Variants in ATP4A observed in about 807,000 individuals in gnomAD.
ATP4A encodes potassium-transporting ATPase alpha chain 1.
Under a neutral mutation model 112.1 loss-of-function variants are expected in ATP4A, and 73 were observed. The ratio of observed to expected loss-of-function variants is 0.65; its 90% CI spans 0.54 to 0.79. The LOEUF is 0.79. ATP4A is among the 30% of genes least tolerant of loss of function. The pLI, the probability that ATP4A is intolerant of heterozygous loss-of-function variation, is 0.00. For synonymous variants in ATP4A, 588 were observed against 588.9 expected (o/e 1.00, Z 0.02); for missense variants, 1,081 against 1,425.9 (o/e 0.76, Z 3.90).
chr19:35,563,424 C>T lies in ATP4A; in HGVS notation c.116G>A (p.Arg39Lys), dbSNP rs1325645902. The change falls in exon 2 of 22, where the codon AGG (arginine) becomes AAG (lysine). Residue 39 changes from arginine to lysine, a missense_variant. Transcript: ENST00000262623. ...CTTCATGTTCTCCAGCTTCTCCTTC[C>T]TCTTGCCACCCCCGCCACCCGCCTT... Reference protein sequence around the residue: ...KKKAGGGGGKRKEKLENMKKE... With the variant: ...KKKAGGGGGKKKEKLENMKKE... The T allele has an allele frequency of 1.2e-6, 2 of 1,613,990 alleles. No individual in the cohort carries two copies. The highest frequency in any genetic ancestry group is 1.3e-5 in the African/African-American group (1 of 74,986).
At chr19:35,552,951 G>A (rs1360090131) in intron 18 of ATP4A, 86 bp downstream of exon 18, 35 of 1,476,668 alleles carry the variant, frequency 2.4e-5, no homozygotes, top group Admixed American at 6.1e-5. Context: ...TCAGTCACAC[G>A]TGGAGGAACA....
At chr19:35,561,246 C>T (rs183771732) in intron 4 of ATP4A, among the ~76,000 whole-genome samples, 17 of 152,060 alleles carry the variant, frequency 1.1e-4, no homozygotes, top group Non-Finnish European at 2.1e-4. Context: ...CTTGGTCTGA[C>T]GTGTTCCCTT....
In ATP4A at chr19:35,561,243, TGACGTGTTCCCTTCTCC is replaced by T. The variant is rs558783806; in HGVS notation, c.421-328_421-312del. ...CCCCAAATCACTGTGTGCCTTGGTC[TGACGTGTTCCCTTCTCC>T]TGTGTCCCCAAGCCTTGCATTCCCC... On this transcript the variant is annotated intron_variant, in intron 4 of 21. Transcript: ENST00000262623. 1.7e-4 allele frequency among the ~76,000 whole-genome samples: 26 copies of T among 152,270 alleles called. No homozygotes were observed. In the South Asian group the frequency reaches 5.4e-3, roughly 32 times the overall value.
chr19:35,555,599 G>A lies in ATP4A; in HGVS notation c.2007-9C>T, dbSNP rs1418910754. The A allele has an allele frequency of 3.8e-6, 6 of 1,576,718 alleles. No homozygotes were observed. The South Asian group carries it at 6.9e-5, about 18-fold the overall frequency. Reference sequence around the variant, plus strand: ...CACAGGCACGGGCATCCCTGGGGAGGAGATGGGAGGACCTCGCTGGGACCT... The same window carrying A: ...CACAGGCACGGGCATCCCTGGGGAGAAGATGGGAGGACCTCGCTGGGACCT... On this transcript the variant is annotated splice_polypyrimidine_tract_variant and intron_variant, in intron 13 of 21. Coordinates refer to ENST00000262623, the MANE Select transcript of ATP4A (RefSeq NM_000704.3). The surrounding 1 kb of genome is among the most constrained non-coding windows in gnomAD (Gnocchi z 6.6).
At position 35,560,465 on chromosome 19, in the gene ATP4A, G is replaced by A. The variant is rs766365646; in HGVS notation, c.685C>T (p.Leu229=). The change falls in exon 6 of 22, where the codon CTG becomes TTG. Residue 229 remains leucine, a synonymous_variant. Coordinates refer to ENST00000262623, the MANE Select transcript of ATP4A (RefSeq NM_000704.3). This position sits in a 1 kb window ranked among gnomAD's most constrained non-coding sequence, Gnocchi z 5.1. ...GTCTGTGGCTCAGACTCCCCTGTCAGCGAGGAGTTGTCCACCTTGCAGCCC... is the reference window on the plus strand; with the variant it reads ...GTCTGTGGCTCAGACTCCCCTGTCAACGAGGAGTTGTCCACCTTGCAGCCC... The part of the protein sequence containing the change: ...AQGCKVDNSS[L]TGESEPQTRS... 6.2e-7 allele frequency: 1 copy of A among 1,613,736 alleles called. No individual in the cohort carries two copies. The highest frequency in any genetic ancestry group is 8.5e-7 in the Non-Finnish European group (1 of 1,180,014).
chr19:35,556,891 G>C (rs778323628), intron 12 of ATP4A, 22 bp downstream of exon 12: 1 of 1,607,252 alleles, frequency 6.2e-7, no homozygotes, highest in East Asian at 2.2e-5. Flanking sequence ...CACTCCACTT[G>C]TTCCTCCCCA....
chr19:35,550,440 G>A lies in ATP4A; in HGVS notation c.*175C>T. ...AGGAGGTGCGAACCTTGGGAATGGG[G>A]GAGGGGAGTGGGCAGGTCCCTCCAA... On this transcript the variant is annotated 3_prime_UTR_variant, in exon 22 of 22. Transcript: ENST00000262623. This position sits in a 1 kb window ranked among gnomAD's most constrained non-coding sequence, Gnocchi z 4.1. 3.8e-6 allele frequency: 3 copies of A among 781,630 alleles called. No individual in the cohort carries two copies. The highest frequency in any genetic ancestry group is 6.1e-6 in the Non-Finnish European group (3 of 491,136). 48.4% of individuals were successfully genotyped at this position (781,630 alleles called of 1,614,324 possible).
chr19:35,560,187 G>A lies in ATP4A; in HGVS notation c.788-114C>T. 1 of 1,532,496 alleles carries A rather than the reference G, an allele frequency of 6.5e-7. No homozygotes were observed. The highest frequency in any genetic ancestry group is 8.8e-7 in the Non-Finnish European group (1 of 1,130,744). The allele number at this position is 1,532,496 out of a possible 1,614,324, so 94.9% of individuals were successfully genotyped here. On this transcript the variant is annotated intron_variant, in intron 6 of 21. Coordinates refer to ENST00000262623, the MANE Select transcript of ATP4A (RefSeq NM_000704.3). The surrounding 1 kb of genome is among the most constrained non-coding windows in gnomAD (Gnocchi z 5.1). ...CAGTGGAGGATGTGACCTGGGAGAG[G>A]GTAGTGACAGTGGGAGACAGAGAAG...
intron 4 of ATP4A, among the ~76,000 whole-genome samples, 182 bp from the exon 5 acceptor site, chr19:35,561,114 C>T (rs374088088): frequency 6.0e-4 from 91 of 152,186 alleles, no homozygotes; most frequent in African/African-American, 2.1e-3. Context: ...TCATGTCCCA[C>T]ACTCGCCTGC....
At position 35,560,089 on chromosome 19, in the gene ATP4A, G is replaced by A. The variant is rs560182035; in HGVS notation, c.788-16C>T. 9 of 1,612,680 alleles carry A rather than the reference G, an allele frequency of 5.6e-6. No homozygotes were observed. In the South Asian group the frequency reaches 9.9e-5, roughly 18 times the overall value. ...TGCACGGTGCCTGCAGGGGGGCCAAGGCGCGACTCAGGGATAGGGGGCGGC... is the reference window on the plus strand; with the variant it reads ...TGCACGGTGCCTGCAGGGGGGCCAAAGCGCGACTCAGGGATAGGGGGCGGC... On this transcript the variant is annotated splice_polypyrimidine_tract_variant and intron_variant, in intron 6 of 21. Transcript: ENST00000262623. The surrounding 1 kb of genome is among the most constrained non-coding windows in gnomAD (Gnocchi z 5.1).
chr19:35,560,567 G>A lies in ATP4A; in HGVS notation c.583C>T (p.Gln195Ter). ...DGDKFQINAD[Q>*]LVVGDLVEMK... ...TCCACCAGGTCGCCCACCACCAGTT[G>A]GTCAGCGTTGATCTGGAATTTGTCT... Residue 195 changes from glutamine to a stop codon, truncating the protein, a stop_gained, in exon 6 of 22, where the codon CAA becomes TAA. Coordinates refer to ENST00000262623, the MANE Select transcript of ATP4A (RefSeq NM_000704.3). LOFTEE classifies it high-confidence loss of function. The surrounding 1 kb of genome is among the most constrained non-coding windows in gnomAD (Gnocchi z 5.1). 1.2e-6 allele frequency: 2 copies of A among 1,613,392 alleles called. No individual in the cohort carries two copies. The highest frequency in any genetic ancestry group is 1.7e-6 in the Non-Finnish European group (2 of 1,179,952).
intron 12 of ATP4A, among the ~76,000 whole-genome samples, chr19:35,556,330 G>C (rs2071631451): frequency 6.6e-6 from 1 of 152,168 alleles, no homozygotes; most frequent in East Asian, 1.9e-4. Context: ...AGGTAACAAG[G>C]CCCGATGTAA....
At chr19:35,561,542 C>T (rs1348535851) in intron 4 of ATP4A, among the ~76,000 whole-genome samples, 5 of 151,932 alleles carry the variant, frequency 3.3e-5, no homozygotes, top group African/African-American at 7.3e-5. Flanking sequence ...TGTGTATCTC[C>T]GAGTTCCCAT....
chr19:35,550,959 G>A lies in ATP4A; in HGVS notation c.2988-34C>T, dbSNP rs964860973. The stretch of plus-strand genomic sequence containing the variant: ...ACATGGCAAGGTGAAGGCCATCCCA[G>A]GCCTGTGCCCTACAGCCCCCTCCCT... On this transcript the variant is annotated intron_variant, in intron 20 of 21. Coordinates refer to ENST00000262623, the MANE Select transcript of ATP4A (RefSeq NM_000704.3). This position sits in a 1 kb window ranked among gnomAD's most constrained non-coding sequence, Gnocchi z 4.1. 8 of 1,613,426 alleles carry A rather than the reference G, an allele frequency of 5.0e-6. No homozygotes were observed. The highest frequency in any genetic ancestry group is 6.8e-6 in the Non-Finnish European group (8 of 1,179,662).
chr19:35,559,157 C>T lies in ATP4A; in HGVS notation c.1091G>A (p.Ser364Asn), dbSNP rs1409139863. The change falls in exon 8 of 22, where the codon AGT becomes AAT. Residue 364 changes from serine to asparagine, a missense_variant. This residue lies in a region of ATP4A where 850 missense variants were observed against 1,068.2 expected (regional missense o/e 0.80). Coordinates refer to ENST00000262623, the MANE Select transcript of ATP4A (RefSeq NM_000704.3). The surrounding 1 kb of genome is among the most constrained non-coding windows in gnomAD (Gnocchi z 4.1). ...CLSLTAKRLA[S>N]KNCVVKNLEA... ...CAGGTTCTTGACCACGCAGTTCTTA[C>T]TGGCCAGGCGCTTGGCTGTCAGGGA... 6.2e-7 allele frequency: 1 copy of T among 1,614,176 alleles called. No homozygotes were observed. Among genetic ancestry groups the T allele is most frequent in the Non-Finnish European group, 8.5e-7 (1 of 1,180,030 alleles).
In ATP4A at chr19:35,555,126, G is replaced by A; in HGVS notation, c.2326+40C>T. ...GCCTCCTCACAGCCCTCTCCCTCCT[G>A]TGCCCACACTGCCTGCCCTCCCCCT... On this transcript the variant is annotated intron_variant, in intron 15 of 21. Coordinates refer to ENST00000262623, the MANE Select transcript of ATP4A (RefSeq NM_000704.3). The surrounding 1 kb of genome is among the most constrained non-coding windows in gnomAD (Gnocchi z 6.6). 4 of 1,613,928 alleles carry A rather than the reference G, an allele frequency of 2.5e-6. No homozygotes were observed. The highest frequency in any genetic ancestry group is 2.5e-6 in the Non-Finnish European group (3 of 1,179,938).
intron 17 of ATP4A, 143 bp from the exon 18 acceptor site, chr19:35,553,325 C>T: frequency 4.1e-6 from 4 of 965,190 alleles, no homozygotes; most frequent in Non-Finnish European, 4.5e-6. Context: ...GAGACAGGGA[C>T]ACAGATACAC....
Position 35,559,705 on chromosome 19 carries a change from CAGAT to C in ATP4A, c.1056+96_1056+99del. On this transcript the variant is annotated intron_variant, in intron 7 of 21. Transcript: ENST00000262623. The surrounding 1 kb of genome is among the most constrained non-coding windows in gnomAD (Gnocchi z 4.1). ...GGAGAATGGATGGGAGCTAAGTGGA[CAGAT>C]AGACAGGCAGGGAGGTGATGGGGGA... 6.7e-7 allele frequency: 1 copy of C among 1,495,360 alleles called. No individual in the cohort carries two copies. Among genetic ancestry groups the C allele is most frequent in the South Asian group, 1.3e-5 (1 of 75,090 alleles). The allele number at this position is 1,495,360 out of a possible 1,614,324, so 92.6% of individuals were successfully genotyped here.
Position 35,560,154 on chromosome 19 carries a change from G to A in ATP4A, c.788-81C>T, listed in dbSNP as rs562316690. 2.7e-4 allele frequency: 424 copies of A among 1,566,620 alleles called. No homozygotes were observed. In the African/African-American group the frequency reaches 5.0e-3, roughly 18 times the overall value. ...TGCCGTGTGAGCTGAAGGACAGCCA[G>A]TCACTGCCAGTGGAGGATGTGACCT... On this transcript the variant is annotated intron_variant, in intron 6 of 21. Transcript: ENST00000262623. The surrounding 1 kb of genome is among the most constrained non-coding windows in gnomAD (Gnocchi z 5.1).
Sources: gnomAD v4.1 joint callset for allele counts (sites outside exome capture counted in the v4.1 genomes callset) on GRCh38, gnomAD v4.1.1 for gene constraint, gnomAD v4.1.1 regional missense constraint, Gnocchi (gnomAD v3.1) non-coding constraint, MANE v1.5 for transcripts, NCBI Gene and HGNC (gene_info 2026-07-23, HGNC 2026-07-21) for gene names.